AGBL4: variants seen among roughly 807,000 people sequenced by gnomAD.
AGBL4 encodes AGBL carboxypeptidase 4, also known as cytosolic carboxypeptidase 6.
A neutral mutation model predicts 66.4 loss-of-function variants in AGBL4; 58 were observed. The ratio of observed to expected loss-of-function variants is 0.87; its 90% CI spans 0.71 to 1.09. AGBL4 has a LOEUF of 1.09. Among genes scored for constraint, AGBL4 ranks in the 50% least tolerant of loss-of-function variants. The pLI is 0.00. For synonymous variants in AGBL4, 234 were observed against 222.9 expected, an observed-to-expected ratio of 1.05 and a Z score of -0.44; for missense variants, 579 against 631.0, an observed-to-expected ratio of 0.92 and a Z score of 0.88.
chr1:49,428,225 C>T (rs1645709827), intron 3 of AGBL4, among the ~76,000 whole-genome samples: 1 of 152,176 alleles, frequency 6.6e-6, no homozygotes, highest in Non-Finnish European at 1.5e-5. Flanking sequence ...TTGTAAACAA[C>T]TTGGGGACCA....
chr1:49,177,282 G>A lies in AGBL4; in HGVS notation c.377+68488C>T, dbSNP rs116805530. 4.1e-3 allele frequency among the ~76,000 whole-genome samples: 628 copies of A among 152,236 alleles called. 4 individuals are homozygous for A. The highest frequency in any genetic ancestry group is 0.015 in the African/African-American group (608 of 41,536). On this transcript the variant is annotated intron_variant, in intron 4 of 13. Coordinates refer to ENST00000371839, the MANE Select transcript of AGBL4 (RefSeq NM_032785.4). Reference sequence around the variant, plus strand: ...TACTGTACTGTAGAAACATAGATGAGGACTTGACTAGCTTTTCCTAGCCAC... The same window carrying A: ...TACTGTACTGTAGAAACATAGATGAAGACTTGACTAGCTTTTCCTAGCCAC...
intron 3 of AGBL4, among the ~76,000 whole-genome samples, chr1:49,301,231 C>T (rs1201679248): frequency 2.0e-5 from 3 of 152,176 alleles, no homozygotes; most frequent in African/African-American, 7.2e-5. Flanking sequence ...AGACCCTCTA[C>T]TGATTCCTCT....
intron 1 of AGBL4, among the ~76,000 whole-genome samples, chr1:49,874,293 T>G (rs1006218325): frequency 1.3e-5 from 2 of 152,098 alleles, no homozygotes; most frequent in African/African-American, 4.8e-5. Context: ...CAAATATTTC[T>G]AAGATGAGAT....
chr1:49,496,133 G>A (rs2148753913), intron 3 of AGBL4, among the ~76,000 whole-genome samples: 1 of 152,134 alleles, frequency 6.6e-6, no homozygotes, highest in African/African-American at 2.4e-5. Context: ...ATATCACAAA[G>A]AAGGCAGTGT....
chr1:48,619,935 A>G (rs1645383442), intron 9 of AGBL4, among the ~76,000 whole-genome samples: 1 of 152,126 alleles, frequency 6.6e-6, no homozygotes, highest in Non-Finnish European at 1.5e-5. Flanking sequence ...GCATTTACTG[A>G]TAATTCATTC....
At chr1:49,696,347 G>A (rs1646984008) in intron 3 of AGBL4, among the ~76,000 whole-genome samples, 1 of 151,932 alleles carries the variant, frequency 6.6e-6, no homozygotes, top group African/African-American at 2.4e-5. Flanking sequence ...GGATTCGAAA[G>A]TATTATAAAA....
intron 3 of AGBL4, among the ~76,000 whole-genome samples, chr1:49,557,948 T>C (rs1324414525): frequency 6.6e-6 from 1 of 151,698 alleles, no homozygotes; most frequent in Non-Finnish European, 1.5e-5. Context: ...AGCTCTACCA[T>C]AGCATAATAG....
chr1:48,680,611 C>T (rs956706163), intron 6 of AGBL4, among the ~76,000 whole-genome samples: 6 of 152,208 alleles, frequency 3.9e-5, no homozygotes, highest in African/African-American at 9.7e-5. Flanking sequence ...GAAAAGGTGA[C>T]GGCCACCTTG....
intron 6 of AGBL4, among the ~76,000 whole-genome samples, chr1:48,752,486 A>G (rs1651902366): frequency 1.3e-5 from 2 of 152,182 alleles, no homozygotes; most frequent in South Asian, 4.1e-4. Flanking sequence ...ATGGTTGTAA[A>G]ACAGAGTGTT....
chr1:49,069,090 C>A (rs995146223), intron 4 of AGBL4, among the ~76,000 whole-genome samples: 1 of 151,946 alleles, frequency 6.6e-6, no homozygotes, highest in Non-Finnish European at 1.5e-5. Context: ...TTGTTTTTTT[C>A]TTGTAAATTT....
intron 4 of AGBL4, among the ~76,000 whole-genome samples, chr1:49,244,665 G>C (rs1651494842): frequency 1.3e-5 from 2 of 151,768 alleles, no homozygotes; most frequent in South Asian, 4.1e-4. Context: ...AGAGATCAAA[G>C]CTATAACAAT....
chr1:48,691,136 C>T (rs6674030), intron 6 of AGBL4, among the ~76,000 whole-genome samples: 1,378 of 128,348 alleles, frequency 0.011, 24 homozygotes, highest in African/African-American at 0.038. Context: ...CCAGCCTGGG[C>T]GACAGAGTGA....
chr1:49,021,707 A>G (rs557677773), intron 5 of AGBL4, among the ~76,000 whole-genome samples: 2 of 152,190 alleles, frequency 1.3e-5, no homozygotes, highest in African/African-American at 2.4e-5. Context: ...TGACCAAGAC[A>G]TAGTATGTGG....
chr1:49,003,178 G>A (rs1429942345), intron 5 of AGBL4, among the ~76,000 whole-genome samples: 1 of 152,120 alleles, frequency 6.6e-6, no homozygotes, highest in Non-Finnish European at 1.5e-5. Flanking sequence ...CAGGTGGATC[G>A]CCTGACGTCA....
At chr1:48,560,635 G>A (rs1319833050) in intron 11 of AGBL4, among the ~76,000 whole-genome samples, 1 of 152,188 alleles carries the variant, frequency 6.6e-6, no homozygotes, top group African/African-American at 2.4e-5. Context: ...ACTTGAAGAA[G>A]CTCTGGCCTA....
intron 4 of AGBL4, among the ~76,000 whole-genome samples, chr1:49,129,990 T>C (rs1285515382): frequency 6.6e-6 from 1 of 152,198 alleles, no homozygotes; most frequent in Non-Finnish European, 1.5e-5. Context: ...TTCCTGACTT[T>C]TTAATGATCA....
At chr1:48,593,954 A>G (rs1348938321) in intron 9 of AGBL4, among the ~76,000 whole-genome samples, 1 of 152,182 alleles carries the variant, frequency 6.6e-6, no homozygotes, top group Non-Finnish European at 1.5e-5. Context: ...AATATGTAAG[A>G]TTAGTTTTAA....
intron 4 of AGBL4, among the ~76,000 whole-genome samples, chr1:49,117,346 G>C (rs1645547671): frequency 6.6e-6 from 1 of 152,092 alleles, no homozygotes; most frequent in African/African-American, 2.4e-5. Flanking sequence ...GGTTTTTATG[G>C]TTTTCGATCT....
intron 2 of AGBL4, among the ~76,000 whole-genome samples, chr1:49,739,505 C>A (rs1394583608): frequency 2.0e-5 from 3 of 152,158 alleles, no homozygotes; most frequent in African/African-American, 7.2e-5. Flanking sequence ...AGGAGAACTT[C>A]CCCAATCTAG....
Sources: gnomAD v4.1 joint callset for allele counts (sites outside exome capture counted in the v4.1 genomes callset) on GRCh38, gnomAD v4.1.1 for gene constraint, MANE v1.5 for transcripts, NCBI Gene and HGNC (gene_info 2026-07-23, HGNC 2026-07-21) for gene names.